PTPN13: variants seen among roughly 807,000 people sequenced by gnomAD.
PTPN13 encodes protein tyrosine phosphatase non-receptor type 13.
Under a neutral mutation model 284.0 loss-of-function variants are expected in PTPN13, and 191 were observed. The ratio of observed to expected loss-of-function variants is 0.67; its 90% CI spans 0.60 to 0.76. PTPN13 has a LOEUF of 0.76. Ranked by LOEUF, PTPN13 falls within the 30% of genes least tolerant of loss-of-function variation. The pLI is 0.00. For synonymous variants in PTPN13, 986 were observed against 1,022.3 expected (o/e 0.96, Z 0.68); for missense variants, 2,797 against 2,939.9 (o/e 0.95, Z 1.12).
At chr4:86,739,558 T>C (rs28814353) in intron 15 of PTPN13, among the ~76,000 whole-genome samples, 12,428 of 152,170 alleles carry the variant, frequency 0.082, 645 homozygotes, top group Non-Finnish European at 0.11. Context: ...GGGTCCCTCC[T>C]TCAACATGTG....
chr4:86,716,694 C>T, intron 8 of PTPN13, 69 bp downstream of exon 8: 1 of 1,097,572 alleles, frequency 9.1e-7, no homozygotes. Context: ...CAATAGTGTT[C>T]AAATATTAAT....
At chr4:86,686,404 A>T (rs1393308323) in intron 3 of PTPN13, among the ~76,000 whole-genome samples, 2 of 152,098 alleles carry the variant, frequency 1.3e-5, no homozygotes, top group African/African-American at 4.8e-5. Flanking sequence ...CTGACCTTTT[A>T]TGAAAGGAGG....
At chr4:86,618,370 A>G (rs1243206627) in intron 1 of PTPN13, among the ~76,000 whole-genome samples, 1 of 152,146 alleles carries the variant, frequency 6.6e-6, no homozygotes, top group South Asian at 2.1e-4. Context: ...TGATGCCTCC[A>G]GCTTTGTTCT....
intron 17 of PTPN13, among the ~76,000 whole-genome samples, chr4:86,747,533 TAGCAGCAGCAGCAGCGGCAGC>T (rs1171353427): frequency 2.5e-4 from 38 of 151,656 alleles, no homozygotes; most frequent in South Asian, 1.2e-3. Flanking sequence ...GCGGTAATAG[TAGCAGCAGCAGCAGCGGCAGC>T]AGCAGCAGCA....
chr4:86,748,843 G>T (rs1029826312), intron 17 of PTPN13, among the ~76,000 whole-genome samples: 1 of 152,054 alleles, frequency 6.6e-6, no homozygotes, highest in Non-Finnish European at 1.5e-5. Flanking sequence ...TTTTAGTAGA[G>T]ATGGGGTTTC....
intron 13 of PTPN13, 119 bp downstream of exon 13, chr4:86,734,575 TA>T (rs1735286758): frequency 7.9e-7 from 1 of 1,265,268 alleles, no homozygotes; most frequent in Non-Finnish European, 1.1e-6. Flanking sequence ...ATCATAAAAG[TA>T]ATATTTCTTT....
chr4:86,750,882 T>C lies in PTPN13; in HGVS notation c.3063T>C (p.Leu1021=). 16 of 1,612,702 alleles carry C rather than the reference T, an allele frequency of 9.9e-6. No individual in the cohort carries two copies. Among genetic ancestry groups the C allele is most frequent in the Non-Finnish European group, 1.4e-5 (16 of 1,179,286 alleles). ...DAESLAGVTK[L]NNSKSVASLN... ...AATCTTTGGCAGGAGTGACAAAACT[T>C]AATAAGTAAGAACATATTAACTAAC... is the stretch of plus-strand genomic sequence containing the variant. The change falls in exon 18 of 48, where the codon CTT becomes CTC. Residue 1021 remains leucine (L), a synonymous_variant. Coordinates refer to ENST00000411767, the MANE Select transcript of PTPN13 (RefSeq NM_080683.3).
chr4:86,610,140 G>A (rs1765137560), intron 1 of PTPN13, among the ~76,000 whole-genome samples: 1 of 152,072 alleles, frequency 6.6e-6, no homozygotes, highest in Admixed American at 6.6e-5. Flanking sequence ...CTTGAACCCA[G>A]GAGGCAGAGG....
At chr4:86,791,519 C>T (rs185367077) in intron 40 of PTPN13, among the ~76,000 whole-genome samples, 2 of 152,300 alleles carry the variant, frequency 1.3e-5, no homozygotes, top group Non-Finnish European at 2.9e-5. Context: ...GCATGGCGTT[C>T]GAACTCTGAG....
At position 86,716,555 on chromosome 4, in the gene PTPN13, T is replaced by A. The variant is rs369390845; in HGVS notation, c.1221T>A (p.Tyr407Ter). Reference protein sequence around the residue: ...VEEPVRRYKTYHGDVFSTSSE... With the variant: ...VEEPVRRYKT ...AACCAGTTCGAAGATACAAAACTTA[T>A]CATGGTGATGTCTTTAGTACCTCCA... Residue 407 changes from tyrosine (Y) to a stop codon, truncating the protein, a stop_gained, in exon 8 of 48, where the codon TAT becomes TAA. Transcript: ENST00000411767. LOFTEE classifies it high-confidence loss of function. 1 of 1,593,136 alleles carries A rather than the reference T, an allele frequency of 6.3e-7. No individual in the cohort carries two copies. The highest frequency in any genetic ancestry group is 8.5e-7 in the Non-Finnish European group (1 of 1,170,494).
intron 28 of PTPN13, among the ~76,000 whole-genome samples, chr4:86,768,776 TC>T (rs1301039077): frequency 6.7e-6 from 1 of 148,912 alleles, no homozygotes; most frequent in Non-Finnish European, 1.5e-5. Context: ...AGTGGCGCAA[TC>T]TTGGCTCACT....
intron 1 of PTPN13, among the ~76,000 whole-genome samples, chr4:86,625,986 A>G (rs879431871): frequency 1.3e-5 from 2 of 152,182 alleles, no homozygotes; most frequent in Non-Finnish European, 2.9e-5. Context: ...TCTTAACATA[A>G]GTCTGTAGGT....
intron 1 of PTPN13, among the ~76,000 whole-genome samples, chr4:86,624,402 A>G (rs138493500): frequency 1.3e-5 from 2 of 152,294 alleles, no homozygotes; most frequent in East Asian, 3.9e-4. Context: ...ATAAGATGAT[A>G]TATGATTCTA....
intron 31 of PTPN13, among the ~76,000 whole-genome samples, chr4:86,771,968 A>C (rs1348720058): frequency 1.3e-5 from 2 of 152,220 alleles, no homozygotes; most frequent in Admixed American, 1.3e-4. Context: ...AAGCATACAA[A>C]GAGAAGGACT....
chr4:86,748,417 G>A (rs964174919), intron 17 of PTPN13, among the ~76,000 whole-genome samples: 1 of 152,118 alleles, frequency 6.6e-6, no homozygotes, highest in African/African-American at 2.4e-5. Context: ...GCTACAAATG[G>A]ATTTGAATAG....
At chr4:86,731,532 C>T (rs542790118) in intron 10 of PTPN13, among the ~76,000 whole-genome samples, 5 of 152,248 alleles carry the variant, frequency 3.3e-5, no homozygotes, top group African/African-American at 9.6e-5. Flanking sequence ...CTATTTAAAA[C>T]GAAAAGTACA....
intron 2 of PTPN13, among the ~76,000 whole-genome samples, chr4:86,638,532 A>G (rs1565204197): frequency 6.6e-6 from 1 of 152,202 alleles, no homozygotes; most frequent in Non-Finnish European, 1.5e-5. Flanking sequence ...CCACATATCT[A>G]CAACTATCTG....
Position 86,758,767 on chromosome 4 carries a change from G to A in PTPN13, c.3403G>A (p.Asp1135Asn). 6.2e-7 allele frequency: 1 copy of A among 1,613,704 alleles called. No individual in the cohort carries two copies. Among genetic ancestry groups the A allele is most frequent in the Non-Finnish European group, 8.5e-7 (1 of 1,179,698 alleles). Residue 1135 changes from aspartate (D) to asparagine (N), a missense_variant, in exon 22 of 48, where the codon GAT (aspartate) becomes AAT (asparagine). By Grantham distance (23) the Asp-to-Asn change is conservative. Transcript: ENST00000411767. ...SVAPGGPADL[D>N]GCLKPGDRLI... ...TGCCCCTGGAGGACCAGCTGACTTG[G>A]ATGGATGCTTGAAGCCAGGTACTTT...
chr4:86,599,045 G>A (rs1764072925), intron 1 of PTPN13, among the ~76,000 whole-genome samples: 1 of 152,172 alleles, frequency 6.6e-6, no homozygotes, highest in South Asian at 2.1e-4. Context: ...ACAGATGTGA[G>A]CCACTGCACC....
Sources: gnomAD v4.1 joint callset for allele counts (sites outside exome capture counted in the v4.1 genomes callset) on GRCh38, gnomAD v4.1.1 for gene constraint, MANE v1.5 for transcripts, NCBI Gene and HGNC (gene_info 2026-07-23, HGNC 2026-07-21) for gene names.